The following MYO1D variants were observed in gnomAD, a reference collection of about 807,000 sequenced individuals.
MYO1D encodes the protein myosin ID, also known as unconventional myosin-Id.
A neutral mutation model predicts 122.0 loss-of-function variants in MYO1D; 83 were observed. The ratio of observed to expected loss-of-function variants is 0.68; its 90% CI spans 0.57 to 0.82. The LOEUF is 0.82. Ranked by LOEUF, MYO1D falls within the 40% of genes least tolerant of loss-of-function variation. The pLI, the probability that MYO1D is intolerant of heterozygous loss-of-function variation, is 0.00. For missense variants in MYO1D, 1,157 were observed against 1,269.5 expected, an observed-to-expected ratio of 0.91 and a Z score of 1.35; for synonymous variants, 464 against 446.9, an observed-to-expected ratio of 1.04 and a Z score of -0.48.
In MYO1D at chr17:32,613,789, C is replaced by CAAAAAA. The variant is rs60701225; in HGVS notation, c.2710-8554_2710-8549dup. Among the ~76,000 whole-genome samples the CAAAAAA allele has an allele frequency of 2.5e-3, 125 of 50,960 alleles. 3 individuals are homozygous for CAAAAAA. The highest frequency in any genetic ancestry group is 3.7e-3 in the African/African-American group (46 of 12,360). The allele number at this position is 50,960 out of a possible 152,430, so 33.4% of individuals were successfully genotyped here. On this transcript the variant is annotated intron_variant, in intron 20 of 21. Coordinates refer to ENST00000318217, the MANE Select transcript of MYO1D (RefSeq NM_015194.3). ...TGGGCGACAGAGCAAGATTCCATCT[C>CAAAAAA]AAAAAAAAAAAAAAAAAAAAAAAAA...
chr17:32,874,249 CT>C (rs890519807), intron 1 of MYO1D, among the ~76,000 whole-genome samples: 3 of 146,550 alleles, frequency 2.0e-5, no homozygotes, highest in South Asian at 2.1e-4. Context: ...CTTTTCCTTT[CT>C]TTTTTTCTTT....
At chr17:32,581,667 G>C (rs1405436642) in intron 21 of MYO1D, among the ~76,000 whole-genome samples, 1 of 151,494 alleles carries the variant, frequency 6.6e-6, no homozygotes, top group Non-Finnish European at 1.5e-5. Context: ...CAACTTCCTG[G>C]GCTCAGGTGT....
intron 15 of MYO1D, among the ~76,000 whole-genome samples, chr17:32,717,749 G>A (rs1481275829): frequency 6.6e-6 from 1 of 152,150 alleles, no homozygotes; most frequent in Non-Finnish European, 1.5e-5. Context: ...ACTCCCCAAA[G>A]GCAGTTTGTC....
intron 21 of MYO1D, among the ~76,000 whole-genome samples, chr17:32,603,691 A>G (rs1163565093): frequency 6.6e-6 from 1 of 151,710 alleles, no homozygotes; most frequent in Non-Finnish European, 1.5e-5. Flanking sequence ...AAGCCCAGCT[A>G]ATTTTTTGTA....
chr17:32,876,484 G>C (rs1364446584), intron 1 of MYO1D, among the ~76,000 whole-genome samples: 2 of 152,080 alleles, frequency 1.3e-5, no homozygotes, highest in Non-Finnish European at 2.9e-5. Flanking sequence ...CCTCCCGCGC[G>C]GCACACCCTC....
intron 16 of MYO1D, among the ~76,000 whole-genome samples, chr17:32,669,430 A>C (rs2088679698): frequency 6.6e-6 from 1 of 152,136 alleles, no homozygotes; most frequent in Non-Finnish European, 1.5e-5. Flanking sequence ...CCCCTATCTC[A>C]TGTCTAGTCA....
intron 15 of MYO1D, among the ~76,000 whole-genome samples, chr17:32,713,241 G>A (rs2089402069): frequency 6.6e-6 from 1 of 152,052 alleles, no homozygotes; most frequent in Admixed American, 6.6e-5. Flanking sequence ...GTGAGGTATG[G>A]ATCTAATTTT....
In MYO1D at chr17:32,516,124, C is replaced by G. The variant is rs1909882556; in HGVS notation, c.2865-21209G>C. On this transcript the variant is annotated intron_variant, in intron 21 of 21. Transcript: ENST00000318217. The stretch of plus-strand genomic sequence containing the variant: ...AGTACATAATGCATCAATTTTCAGA[C>G]TCTTACTCAATGCCATTGCTACAGA... 2.0e-5 allele frequency among the ~76,000 whole-genome samples: 3 copies of G among 152,250 alleles called. No homozygotes were observed. In the South Asian group the frequency reaches 6.2e-4, roughly 32 times the overall value.
chr17:32,571,227 G>A (rs2087224375), intron 21 of MYO1D, among the ~76,000 whole-genome samples: 1 of 152,048 alleles, frequency 6.6e-6, no homozygotes, highest in Admixed American at 6.6e-5. Context: ...GAGATGTGGG[G>A]GAGTGGGGCG....
At chr17:32,601,500 T>C (rs1485238309) in intron 21 of MYO1D, among the ~76,000 whole-genome samples, 1 of 152,116 alleles carries the variant, frequency 6.6e-6, no homozygotes, top group Non-Finnish European at 1.5e-5. Flanking sequence ...ATAACAAAGA[T>C]CACTGATCAA....
chr17:32,718,233 C>T (rs1326519896), intron 15 of MYO1D, among the ~76,000 whole-genome samples: 1 of 152,112 alleles, frequency 6.6e-6, no homozygotes. Context: ...ACTCATGAAA[C>T]CGACACCCTG....
intron 1 of MYO1D, among the ~76,000 whole-genome samples, chr17:32,807,579 G>A (rs977697388): frequency 1.5e-4 from 23 of 152,258 alleles, no homozygotes; most frequent in Admixed American, 5.9e-4. Context: ...ACACTTCTGC[G>A]GGAGTTAGGC....
intron 1 of MYO1D, among the ~76,000 whole-genome samples, chr17:32,839,529 G>A (rs916029137): frequency 6.6e-6 from 1 of 152,176 alleles, no homozygotes; most frequent in Non-Finnish European, 1.5e-5. Flanking sequence ...AGTGCAGTAA[G>A]GCTGTGAACC....
intron 1 of MYO1D, among the ~76,000 whole-genome samples, chr17:32,825,330 T>C (rs368910807): frequency 3.3e-5 from 5 of 152,198 alleles, no homozygotes; most frequent in Admixed American, 1.3e-4. Context: ...TTTGCTCCAA[T>C]GTCTAGGCTG....
At chr17:32,543,908 T>G (rs1040048300) in intron 21 of MYO1D, among the ~76,000 whole-genome samples, 11 of 152,166 alleles carry the variant, frequency 7.2e-5, no homozygotes, top group Admixed American at 6.5e-4. Flanking sequence ...TTCTCCTGCC[T>G]CAGCCTCCCT....
chr17:32,873,061 A>G (rs981435392), intron 1 of MYO1D, among the ~76,000 whole-genome samples: 1 of 152,246 alleles, frequency 6.6e-6, no homozygotes, highest in African/African-American at 2.4e-5. Flanking sequence ...TTGTCTAAAA[A>G]TCAAGCTTTA....
At chr17:32,705,453 C>T (rs746336829) in intron 16 of MYO1D, among the ~76,000 whole-genome samples, 6 of 151,808 alleles carry the variant, frequency 4.0e-5, no homozygotes, top group South Asian at 2.1e-4. Context: ...TTAGTAGAGA[C>T]GGGGTTTCAC....
rs569426896 is a variant in MYO1D at position 32,555,349 on chromosome 17, T to C, written c.2864+49738A>G. The stretch of plus-strand genomic sequence containing the variant: ...GTTAAGTGAAATCACAATTATAAGA[T>C]AGAATGTACAGAAGAATCTCATATT... On this transcript the variant is annotated intron_variant, in intron 21 of 21. Transcript: ENST00000318217. 5.9e-5 allele frequency among the ~76,000 whole-genome samples: 9 copies of C among 152,170 alleles called. No homozygotes were observed. The South Asian group carries it at 1.5e-3, about 25-fold the overall frequency.
chr17:32,620,423 C>T (rs2087839641), intron 20 of MYO1D, among the ~76,000 whole-genome samples: 1 of 152,138 alleles, frequency 6.6e-6, no homozygotes, highest in Admixed American at 6.5e-5. Context: ...GCTAGGTTAC[C>T]CCTTTCTTGT....
Sources: allele counts gnomAD v4.1 joint callset (sites outside exome capture counted in the v4.1 genomes callset), GRCh38; gene constraint gnomAD v4.1.1; transcripts MANE v1.5; gene names NCBI Gene and HGNC (gene_info 2026-07-23, HGNC 2026-07-21).